Variants in STX8 observed in about 807,000 individuals in gnomAD.
STX8 encodes syntaxin 8.
Under a neutral mutation model 37.5 loss-of-function variants are expected in STX8, and 23 were observed. The ratio of observed to expected loss-of-function variants is 0.61; its 90% confidence interval spans 0.44 to 0.87. The LOEUF (loss-of-function observed/expected upper bound fraction) is 0.87, where lower values mean the gene tolerates loss of function less well. Among genes scored for constraint, STX8 ranks in the 40% least tolerant of loss-of-function variants. STX8 has a pLI of 0.00. For synonymous variants in STX8, 115 were observed against 99.1 expected (o/e 1.16, Z -0.95); for missense variants, 313 against 284.7 (o/e 1.10, Z -0.71).
chr17:9,268,004 A>G (rs1213355661), intron 7 of STX8, among the ~76,000 whole-genome samples: 1 of 152,094 alleles, frequency 6.6e-6, no homozygotes, highest in African/African-American at 2.4e-5. Flanking sequence ...AAGAAAAAAA[A>G]AAAAAAAAAA....
At chr17:9,424,426 A>G (rs1334258354) in intron 6 of STX8, among the ~76,000 whole-genome samples, 7 of 152,016 alleles carry the variant, frequency 4.6e-5, no homozygotes, top group African/African-American at 1.2e-4. Context: ...ACAGGCAAAC[A>G]GTCAACCCAC....
chr17:9,330,561 T>A (rs146608489), intron 7 of STX8, among the ~76,000 whole-genome samples: 77 of 152,328 alleles, frequency 5.1e-4, no homozygotes, highest in African/African-American at 1.7e-3. Flanking sequence ...TTTTTGTTGA[T>A]GATCACCATT....
chr17:9,358,343 G>C (rs528703394), intron 7 of STX8, among the ~76,000 whole-genome samples: 1 of 151,914 alleles, frequency 6.6e-6, no homozygotes, highest in Admixed American at 6.6e-5. Flanking sequence ...AACTGAGCGA[G>C]ACCCTGTCTC....
At chr17:9,430,567 G>T (rs1913919413) in intron 6 of STX8, among the ~76,000 whole-genome samples, 1 of 151,270 alleles carries the variant, frequency 6.6e-6, no homozygotes, top group East Asian at 1.9e-4. Context: ...TTTTATGGCT[G>T]AATAATAGAC....
At chr17:9,537,177 T>C (rs187239286) in intron 4 of STX8, among the ~76,000 whole-genome samples, 1 of 152,358 alleles carries the variant, frequency 6.6e-6, no homozygotes, top group East Asian at 1.9e-4. Context: ...CCAAAGCTAT[T>C]TGTCTTTCCA....
chr17:9,387,043 A>G (rs1342715466), intron 6 of STX8, among the ~76,000 whole-genome samples: 2 of 151,714 alleles, frequency 1.3e-5, no homozygotes, highest in African/African-American at 4.8e-5. Flanking sequence ...GACCAACACA[A>G]TATCAGTGTT....
intron 4 of STX8, among the ~76,000 whole-genome samples, chr17:9,525,810 A>G (rs1231163019): frequency 6.6e-6 from 1 of 152,226 alleles, no homozygotes; most frequent in East Asian, 1.9e-4. Flanking sequence ...TAAGACGGTG[A>G]GTGCTATCGT....
At chr17:9,406,534 G>A (rs887263102) in intron 6 of STX8, among the ~76,000 whole-genome samples, 8 of 152,108 alleles carry the variant, frequency 5.3e-5, no homozygotes, top group African/African-American at 1.9e-4. Flanking sequence ...ATTTAATACT[G>A]CATCTTTCCA....
At chr17:9,516,310 T>TATATATAG in intron 4 of STX8, among the ~76,000 whole-genome samples, 1 of 89,624 alleles carries the variant, frequency 1.1e-5, no homozygotes, top group East Asian at 3.0e-4. Flanking sequence ...TATATATATA[T>TATATATAG]ATATATATAT....
chr17:9,442,493 G>A (rs769696666), intron 6 of STX8, among the ~76,000 whole-genome samples: 4 of 152,126 alleles, frequency 2.6e-5, no homozygotes, highest in Non-Finnish European at 4.4e-5. Flanking sequence ...CGCAACCTCC[G>A]CCTCCTGGGT....
At chr17:9,342,935 C>G (rs566673542) in intron 7 of STX8, among the ~76,000 whole-genome samples, 2 of 150,282 alleles carry the variant, frequency 1.3e-5, no homozygotes, top group African/African-American at 4.9e-5. Flanking sequence ...GCAGGAGAAT[C>G]GCCTGAACCC....
At chr17:9,337,050 G>A (rs1030481363) in intron 7 of STX8, among the ~76,000 whole-genome samples, 12 of 152,076 alleles carry the variant, frequency 7.9e-5, no homozygotes, top group Admixed American at 5.2e-4. Flanking sequence ...AGCTTTACAC[G>A]TCAGAAAAAC....
intron 7 of STX8, among the ~76,000 whole-genome samples, chr17:9,295,002 C>T (rs1908462576): frequency 6.6e-6 from 1 of 152,184 alleles, no homozygotes; most frequent in Non-Finnish European, 1.5e-5. Context: ...CTGCTGGCAC[C>T]CTGATCTTGG....
chr17:9,330,156 T>C (rs751421631), intron 7 of STX8, among the ~76,000 whole-genome samples: 2 of 152,172 alleles, frequency 1.3e-5, no homozygotes, highest in Non-Finnish European at 2.9e-5. Context: ...AAAGTACTCA[T>C]ACCCAGGGCT....
At chr17:9,462,299 G>C (rs1481559202) in intron 6 of STX8, among the ~76,000 whole-genome samples, 3 of 152,180 alleles carry the variant, frequency 2.0e-5, no homozygotes, top group African/African-American at 7.2e-5. Context: ...GGAGCCCCTG[G>C]AGTGATCTAA....
chr17:9,399,198 C>T (rs1263847501), intron 6 of STX8, among the ~76,000 whole-genome samples: 2 of 152,104 alleles, frequency 1.3e-5, no homozygotes, highest in Non-Finnish European at 2.9e-5. Context: ...CCACATGAAC[C>T]TCAGGTTCCA....
At chr17:9,320,101 G>A (rs190626280) in intron 7 of STX8, among the ~76,000 whole-genome samples, 240 of 151,806 alleles carry the variant, frequency 1.6e-3, no homozygotes, top group Middle Eastern at 3.4e-3. Flanking sequence ...TTGGAAGGCC[G>A]AGGTGGGCAG....
intron 5 of STX8, among the ~76,000 whole-genome samples, chr17:9,501,348 T>C (rs559844170): frequency 5.3e-5 from 8 of 152,180 alleles, no homozygotes; most frequent in Non-Finnish European, 1.2e-4. Context: ...CAGTGAGGCA[T>C]TGGTATAAAG....
At chr17:9,315,572 A>G (rs1434360087) in intron 7 of STX8, among the ~76,000 whole-genome samples, 1 of 152,220 alleles carries the variant, frequency 6.6e-6, no homozygotes, top group Non-Finnish European at 1.5e-5. Context: ...TTTCATAAAT[A>G]TTCATAACTC....
Sources: gnomAD v4.1 joint callset for allele counts (sites outside exome capture counted in the v4.1 genomes callset) on GRCh38, gnomAD v4.1.1 for gene constraint, MANE v1.5 for transcripts, NCBI Gene and HGNC (gene_info 2026-07-23, HGNC 2026-07-21) for gene names.